Variants in SPRED1 observed in about 807,000 individuals in gnomAD.
The protein encoded by SPRED1 is sprouty-related, EVH1 domain-containing protein 1.
In SPRED1, 18 loss-of-function variants were observed where a neutral mutation model predicts 52.3. The observed-to-expected ratio is 0.34, with a 90% CI of 0.24 to 0.51. The LOEUF (loss-of-function observed/expected upper bound fraction) is 0.51, where lower values mean the gene tolerates loss of function less well. SPRED1 is among the 20% of genes least tolerant of loss of function. The pLI is 0.97. For synonymous variants in SPRED1, 155 were observed against 179.7 expected, an observed-to-expected ratio of 0.86 and a Z score of 1.10; for missense variants, 485 against 551.0, an observed-to-expected ratio of 0.88 and a Z score of 1.20.
Position 38,267,918 on chromosome 15 carries a change from T to G in SPRED1, c.32+14701T>G, listed in dbSNP as rs545630630. On this transcript the variant is annotated intron_variant, in intron 1 of 6. Transcript: ENST00000299084. ...CACGTATGCCCATAGGATATACATA[T>G]GAAAAGATTTAGTGTTTAAAAAGCT... 3.9e-5 allele frequency among the ~76,000 whole-genome samples: 6 copies of G among 152,312 alleles called. No individual in the cohort carries two copies. In the South Asian group the frequency reaches 1.0e-3, roughly 26 times the overall value.
At chr15:38,333,533 A>G (rs1895848068) in intron 4 of SPRED1, among the ~76,000 whole-genome samples, 1 of 152,158 alleles carries the variant, frequency 6.6e-6, no homozygotes, top group Admixed American at 6.6e-5. Flanking sequence ...CACATAAGGA[A>G]AGCCACTATA....
At chr15:38,261,163 C>G (rs1478067675) in intron 1 of SPRED1, among the ~76,000 whole-genome samples, 1 of 152,188 alleles carries the variant, frequency 6.6e-6, no homozygotes, top group Non-Finnish European at 1.5e-5. Context: ...GTCATTTAAT[C>G]TCTGCCCATA....
At position 38,356,894 on chromosome 15, in the gene SPRED1, T is replaced by C. The variant is rs1006896738; in HGVS notation, c.*5230T>C. 1.3e-5 allele frequency: 2 copies of C among 152,202 alleles called. No individual in the cohort carries two copies. Among genetic ancestry groups the C allele is most frequent in the African/African-American group, 2.4e-5 (1 of 41,470 alleles). The allele number at this position is 152,202 out of a possible 1,614,324, so 9.4% of individuals were successfully genotyped here. A position where few individuals can be genotyped will look rare whatever the true frequency, so the allele number is the denominator to read the frequency against. On this transcript the variant is annotated 3_prime_UTR_variant, in exon 7 of 7. Coordinates refer to ENST00000299084, the MANE Select transcript of SPRED1 (RefSeq NM_152594.3). The stretch of plus-strand genomic sequence containing the variant: ...TAGAATAAGTTGGATTACTATATTA[T>C]AGTTTATTTGAAAAATCAAGGAGTA...
At position 38,354,547 on chromosome 15, in the gene SPRED1, A is replaced by G. The variant is rs1888567753; in HGVS notation, c.*2883A>G. 6.6e-6 allele frequency: 1 copy of G among 152,154 alleles called. No homozygotes were observed. Among genetic ancestry groups the G allele is most frequent in the South Asian group, 2.1e-4 (1 of 4,828 alleles). 9.4% of individuals were successfully genotyped at this position (152,154 alleles called of 1,614,324 possible). A position where few individuals can be genotyped will look rare whatever the true frequency, so the allele number is the denominator to read the frequency against. On this transcript the variant is annotated 3_prime_UTR_variant, in exon 7 of 7. Transcript: ENST00000299084. ...ATGATTTCCAGGCCAGAGACATGAG[A>G]TGGCAATAGGGATCTGACAGGGTTC...
chr15:38,335,925 A>C (rs1465883907), intron 4 of SPRED1, among the ~76,000 whole-genome samples: 1 of 152,148 alleles, frequency 6.6e-6, no homozygotes, highest in Non-Finnish European at 1.5e-5. Context: ...TCTATATCAA[A>C]AGGGAGAAAG....
At chr15:38,323,961 C>G (rs1398057761) in intron 3 of SPRED1, among the ~76,000 whole-genome samples, 1 of 152,118 alleles carries the variant, frequency 6.6e-6, no homozygotes, top group Non-Finnish European at 1.5e-5. Flanking sequence ...GTAGAGTAGA[C>G]TACAGTACTT....
intron 5 of SPRED1, among the ~76,000 whole-genome samples, chr15:38,340,531 ATTT>A (rs1006898861): frequency 6.6e-6 from 1 of 151,024 alleles, no homozygotes; most frequent in Non-Finnish European, 1.5e-5. Flanking sequence ...CTTTCTTATA[ATTT>A]TTTTTTCTTT....
rs115201541 is a variant in SPRED1 at position 38,299,058 on chromosome 15, T to G, written c.33-315T>G. On this transcript the variant is annotated intron_variant, in intron 1 of 6. Coordinates refer to ENST00000299084, the MANE Select transcript of SPRED1 (RefSeq NM_152594.3). ...GGTACCCTGTGTAGTTTGACAGTAT[T>G]TGCCTCTGGGATCCTTCACAACTTG... Among the ~76,000 whole-genome samples, 1,221 of 152,284 alleles carry G rather than the reference T, an allele frequency of 8.0e-3. 16 individuals are homozygous for G. The highest frequency in any genetic ancestry group is 0.028 in the African/African-American group (1,147 of 41,562).
intron 1 of SPRED1, among the ~76,000 whole-genome samples, chr15:38,288,036 AC>A (rs1187619449): frequency 6.6e-6 from 1 of 152,142 alleles, no homozygotes; most frequent in Admixed American, 6.6e-5. Flanking sequence ...TCTGAATGAT[AC>A]ACAACTGAGA....
chr15:38,305,122 A>G (rs896555618), intron 2 of SPRED1, among the ~76,000 whole-genome samples: 1 of 152,094 alleles, frequency 6.6e-6, no homozygotes, highest in Non-Finnish European at 1.5e-5. Flanking sequence ...TGAGGTCAGG[A>G]GTTCGAGACC....
At chr15:38,317,664 G>A (rs761772306) in intron 2 of SPRED1, among the ~76,000 whole-genome samples, 3 of 151,924 alleles carry the variant, frequency 2.0e-5, no homozygotes, top group East Asian at 1.9e-4. Context: ...GAGAAGGGAC[G>A]TGAAAATAGC....
intron 1 of SPRED1, among the ~76,000 whole-genome samples, chr15:38,258,928 C>T (rs145930794): frequency 6.6e-6 from 1 of 152,226 alleles, no homozygotes; most frequent in East Asian, 1.9e-4. Context: ...AATTTATTCT[C>T]TAATCCTGGG....
At chr15:38,306,074 A>T (rs1349563677) in intron 2 of SPRED1, among the ~76,000 whole-genome samples, 1 of 152,050 alleles carries the variant, frequency 6.6e-6, no homozygotes, top group Admixed American at 6.6e-5. Flanking sequence ...CTTGGGTCTA[A>T]TACTTCTTTA....
intron 1 of SPRED1, among the ~76,000 whole-genome samples, chr15:38,273,904 A>G (rs924546115): frequency 2.6e-5 from 4 of 152,156 alleles, no homozygotes; most frequent in African/African-American, 7.2e-5. Flanking sequence ...TCAGTTATTT[A>G]TACTAAAGAC....
intron 1 of SPRED1, among the ~76,000 whole-genome samples, chr15:38,291,162 G>A (rs944460320): frequency 6.6e-6 from 1 of 152,192 alleles, no homozygotes. Flanking sequence ...GCCCATGCAA[G>A]TCTTAAATCC....
At chr15:38,287,703 C>A (rs1894839303) in intron 1 of SPRED1, among the ~76,000 whole-genome samples, 1 of 152,144 alleles carries the variant, frequency 6.6e-6, no homozygotes, top group African/African-American at 2.4e-5. Flanking sequence ...ATTCCCTCAA[C>A]AATACAGCAT....
chr15:38,303,888 G>A (rs897561211), intron 2 of SPRED1, among the ~76,000 whole-genome samples: 3 of 152,114 alleles, frequency 2.0e-5, no homozygotes, highest in Non-Finnish European at 4.4e-5. Flanking sequence ...CAAAGATAAT[G>A]TGGAAATGGA....
chr15:38,271,116 A>G (rs1302073623), intron 1 of SPRED1, among the ~76,000 whole-genome samples: 1 of 152,236 alleles, frequency 6.6e-6, no homozygotes, highest in African/African-American at 2.4e-5. Flanking sequence ...CATTAGACCC[A>G]ATAATAAATA....
At chr15:38,289,093 C>G (rs1446046226) in intron 1 of SPRED1, among the ~76,000 whole-genome samples, 1 of 151,988 alleles carries the variant, frequency 6.6e-6, no homozygotes, top group Non-Finnish European at 1.5e-5. Context: ...ACCTCTAAAC[C>G]AATGGAATTT....
Sources: gnomAD v4.1 joint callset for allele counts (sites outside exome capture counted in the v4.1 genomes callset) on GRCh38, gnomAD v4.1.1 for gene constraint, MANE v1.5 for transcripts, NCBI Gene and HGNC (gene_info 2026-07-23, HGNC 2026-07-21) for gene names.